Variants in ITGAE observed in about 807,000 individuals in gnomAD.
The protein encoded by ITGAE is integrin subunit alpha E, also known as integrin alpha-E.
In ITGAE, 99 loss-of-function variants were observed where a neutral mutation model predicts 136.5. That is an observed-to-expected ratio of 0.73 (90% CI 0.62 to 0.86). ITGAE has a LOEUF of 0.86. ITGAE is among the 40% of genes least tolerant of loss of function. The probability of loss-of-function intolerance (pLI) is 0.00; values close to 1 mark genes in which losing one functional copy is unlikely to be tolerated. For synonymous variants in ITGAE, 613 were observed against 591.8 expected (o/e 1.04, Z -0.52); for missense variants, 1,447 against 1,515.3 (o/e 0.95, Z 0.75).
intron 3 of ITGAE, 54 bp downstream of exon 3, chr17:3,763,815 T>C (rs1438433638): frequency 2.1e-6 from 3 of 1,412,418 alleles, no homozygotes; most frequent in Admixed American, 1.7e-5. Flanking sequence ...ATGAGGGGGA[T>C]TTTGCTAGAA....
intron 3 of ITGAE, among the ~76,000 whole-genome samples, 155 bp downstream of exon 3, chr17:3,763,714 T>C (rs1421171702): frequency 6.6e-6 from 1 of 151,966 alleles, no homozygotes; most frequent in Non-Finnish European, 1.5e-5. Context: ...GGACTGGGCA[T>C]TGGGATGGAA....
intron 29 of ITGAE, among the ~76,000 whole-genome samples, chr17:3,719,596 C>G (rs1288866154): frequency 5.3e-5 from 8 of 152,186 alleles, no homozygotes; most frequent in Non-Finnish European, 1.2e-4. Flanking sequence ...GTTCCAGTAT[C>G]TAGTCTAAAT....
intron 1 of ITGAE, among the ~76,000 whole-genome samples, chr17:3,789,421 T>A (rs768069179): frequency 6.6e-6 from 1 of 152,158 alleles, no homozygotes; most frequent in Non-Finnish European, 1.5e-5. Context: ...GTACTTCTTG[T>A]CTTTTAAGTT....
intron 2 of ITGAE, among the ~76,000 whole-genome samples, chr17:3,766,716 C>T (rs560147575): frequency 6.6e-6 from 1 of 151,806 alleles, no homozygotes; most frequent in African/African-American, 2.4e-5. Context: ...GCAGGAGAAT[C>T]ACTTGAACCT....
chr17:3,781,599 C>T lies in ITGAE; in HGVS notation c.35-3939G>A, dbSNP rs184204562. 6.5e-4 allele frequency among the ~76,000 whole-genome samples: 99 copies of T among 152,182 alleles called. 1 individual carries two copies. Among genetic ancestry groups the T allele is most frequent in the African/African-American group, 2.1e-3 (88 of 41,518 alleles). On this transcript the variant is annotated intron_variant, in intron 1 of 30. Transcript: ENST00000263087. ...CTTGAACTCCTGACCTCAGGTGATC[C>T]GCCCGCCTCAGCCTCCCAAAGTGCT...
Position 3,725,160 on chromosome 17 carries a change from G to A in ITGAE, c.3085-1416C>T, listed in dbSNP as rs1209617891. 4 of 1,614,044 alleles carry A rather than the reference G, an allele frequency of 2.5e-6. No individual in the cohort carries two copies. In the African/African-American group the frequency reaches 5.3e-5, roughly 22 times the overall value. ...AGAGGTCTGCAGCATCTATACCACTGCCACTTCTCTCTCTGGATCCCTCCT... is the reference window on the plus strand; with the variant it reads ...AGAGGTCTGCAGCATCTATACCACTACCACTTCTCTCTCTGGATCCCTCCT... On this transcript the variant is annotated intron_variant, in intron 26 of 30. Coordinates refer to ENST00000263087, the MANE Select transcript of ITGAE (RefSeq NM_002208.5).
chr17:3,722,727 G>C (rs371785322), intron 28 of ITGAE, among the ~76,000 whole-genome samples: 1 of 152,184 alleles, frequency 6.6e-6, no homozygotes, highest in African/African-American at 2.4e-5. Flanking sequence ...ACCAGATCAA[G>C]TACTGCCTTG....
chr17:3,753,208 G>C, intron 14 of ITGAE, 82 bp downstream of exon 14: 1 of 1,478,762 alleles, frequency 6.8e-7, no homozygotes, highest in Non-Finnish European at 9.2e-7. Context: ...GGCAGGGCCA[G>C]GGCACTCCCA....
chr17:3,753,307 A>C lies in ITGAE; in HGVS notation c.1651T>G (p.Tyr551Asp). 1.2e-6 allele frequency: 2 copies of C among 1,614,100 alleles called. No homozygotes were observed. The highest frequency in any genetic ancestry group is 1.7e-6 in the Non-Finnish European group (2 of 1,179,980). ...VHGEEGRVYV[Y>D]RLSEQDGSFS... ...TCTCCCACCTGCTCGCTGAGACGGT[A>C]CACGTAGACTCTGCCTTCTTCTCCA... Residue 551 changes from tyrosine (Y) to aspartate (D), a missense_variant, in exon 14 of 31, where the codon TAC (tyrosine) becomes GAC (aspartate). Physicochemically the swap from Tyr to Asp is radical, Grantham distance 160. Transcript: ENST00000263087.
chr17:3,739,524 G>A (rs2051535577), intron 20 of ITGAE, among the ~76,000 whole-genome samples: 5 of 152,198 alleles, frequency 3.3e-5, no homozygotes. Context: ...ATATAGCATT[G>A]TCCGGGATGT....
rs571993995 is a variant in ITGAE, at chr17:3,775,292, G to A, written c.155+2248C>T. ...CTACAACTTGCCTTTTTCAACTCAC[G>A]GTATGTTTCCAGATGGATCCAGGTA... On this transcript the variant is annotated intron_variant, in intron 2 of 30. Coordinates refer to ENST00000263087, the MANE Select transcript of ITGAE (RefSeq NM_002208.5). Among the ~76,000 whole-genome samples the A allele has an allele frequency of 3.9e-5, 6 of 152,112 alleles. No homozygotes were observed. The South Asian group carries it at 6.2e-4, about 16-fold the overall frequency.
chr17:3,797,581 C>A (rs569603055), intron 1 of ITGAE, among the ~76,000 whole-genome samples: 1 of 152,012 alleles, frequency 6.6e-6, no homozygotes, highest in East Asian at 1.9e-4. Flanking sequence ...CTGCCTCAGC[C>A]TCCCAAGTAG....
intron 1 of ITGAE, among the ~76,000 whole-genome samples, chr17:3,785,474 A>G (rs1336456562): frequency 1.4e-5 from 2 of 147,118 alleles, no homozygotes; most frequent in Non-Finnish European, 3.0e-5. Flanking sequence ...GAAAGAAGAA[A>G]GAAAGGAAGG....
chr17:3,774,584 C>T (rs753474520), intron 2 of ITGAE, among the ~76,000 whole-genome samples: 4 of 151,920 alleles, frequency 2.6e-5, no homozygotes, highest in Admixed American at 6.6e-5. Flanking sequence ...GCCAACGTGG[C>T]GAAACCCTGT....
intron 20 of ITGAE, among the ~76,000 whole-genome samples, chr17:3,737,489 G>A (rs1360276797): frequency 3.3e-5 from 5 of 151,808 alleles, no homozygotes; most frequent in Non-Finnish European, 5.9e-5. Flanking sequence ...CATTGACTGA[G>A]GGAGGTAACA....
intron 26 of ITGAE, chr17:3,724,265 C>A (rs1597299035): frequency 6.3e-7 from 1 of 1,591,286 alleles, no homozygotes; most frequent in East Asian, 2.3e-5. Flanking sequence ...CAAGCCTAAC[C>A]GTGACCCCAA....
chr17:3,725,040 A>G, intron 26 of ITGAE: 1 of 1,614,204 alleles, frequency 6.2e-7, no homozygotes, highest in African/African-American at 1.3e-5. Context: ...TTCGTTCCCC[A>G]CCCAGGACCT....
intron 14 of ITGAE, among the ~76,000 whole-genome samples, 179 bp from the exon 15 acceptor site, chr17:3,752,053 C>T (rs113807639): frequency 0.014 from 2,085 of 148,570 alleles, 38 homozygotes; most frequent in South Asian, 0.045. Context: ...CTCACTGGGC[C>T]GGTGGGTGCC....
chr17:3,755,892 C>T lies in ITGAE; in HGVS notation c.1177G>A (p.Val393Ile). ...RYNIISMEGT[V>I]GDALHYQLAQ... ...AGCTGGTAGTGAAGGGCGTCTCCAA[C>T]CGTGCCTGCAAGCCAAGAAGCCCAG... The change falls in exon 11 of 31, where the codon GTT becomes ATT. Residue 393 changes from valine to isoleucine, a missense_variant. Physicochemically the swap from Val to Ile is conservative, Grantham distance 29 (BLOSUM62 3). This residue lies in a region of ITGAE where 1,031 missense variants were observed against 1,011.4 expected (regional missense o/e 1.02). Coordinates refer to ENST00000263087, the MANE Select transcript of ITGAE (RefSeq NM_002208.5). The T allele has an allele frequency of 1.3e-6, 2 of 1,595,264 alleles. No individual in the cohort carries two copies.
Sources: gnomAD v4.1 joint callset for allele counts (sites outside exome capture counted in the v4.1 genomes callset) on GRCh38, gnomAD v4.1.1 for gene constraint, gnomAD v4.1.1 regional missense constraint, MANE v1.5 for transcripts, NCBI Gene and HGNC (gene_info 2026-07-23, HGNC 2026-07-21) for gene names.